Variants in SGMS2 observed in about 807,000 individuals in gnomAD.
The protein encoded by SGMS2 is sphingomyelin synthase 2.
A neutral mutation model predicts 43.8 loss-of-function variants in SGMS2; 21 were observed. The observed-to-expected ratio is 0.48, with a 90% CI of 0.34 to 0.69. The LOEUF is 0.69. SGMS2 is among the 30% of genes least tolerant of loss of function. The pLI, the probability that SGMS2 is intolerant of heterozygous loss-of-function variation, is 0.01. For missense variants in SGMS2, 384 were observed against 443.2 expected, an observed-to-expected ratio of 0.87 and a Z score of 1.20; for synonymous variants, 167 against 160.6, an observed-to-expected ratio of 1.04 and a Z score of -0.30.
intron 2 of SGMS2, among the ~76,000 whole-genome samples, chr4:107,865,243 A>G (rs541962345): frequency 3.7e-4 from 57 of 152,326 alleles, no homozygotes; most frequent in African/African-American, 1.3e-3. Context: ...GTCATGTATG[A>G]TGTTAAAACT....
chr4:107,904,881 C>G (rs1345085251), intron 5 of SGMS2, among the ~76,000 whole-genome samples: 1 of 152,028 alleles, frequency 6.6e-6, no homozygotes, highest in African/African-American at 2.4e-5. Context: ...TAAGATCAGT[C>G]ATTTTCTAGT....
At chr4:107,868,448 G>A (rs1578564986) in intron 2 of SGMS2, among the ~76,000 whole-genome samples, 2 of 152,280 alleles carry the variant, frequency 1.3e-5, no homozygotes, top group Middle Eastern at 6.8e-3. Flanking sequence ...CAGGTGTGGT[G>A]GCTCTCGCCT....
In SGMS2 at chr4:107,913,487, C is replaced by T. The variant is rs1478289784; in HGVS notation, c.*2934C>T. 1 of 152,162 alleles carries T rather than the reference C, an allele frequency of 6.6e-6. No individual in the cohort carries two copies. Among genetic ancestry groups the T allele is most frequent in the African/African-American group, 2.4e-5 (1 of 41,432 alleles). 9.4% of individuals were successfully genotyped at this position (152,162 alleles called of 1,614,324 possible). On this transcript the variant is annotated 3_prime_UTR_variant, in exon 7 of 7. Coordinates refer to ENST00000690982, the MANE Select transcript of SGMS2 (RefSeq NM_001375905.1). ...AGGGTTATTTCCTGTATTACCAGTG[C>T]CCCCTTGTGGCAATATACTTTATGA... is the stretch of plus-strand genomic sequence containing the variant.
At chr4:107,855,110 T>G (rs1361444447) in intron 1 of SGMS2, among the ~76,000 whole-genome samples, 1 of 152,222 alleles carries the variant, frequency 6.6e-6, no homozygotes, top group African/African-American at 2.4e-5. Flanking sequence ...ATTTTAATCA[T>G]TTAACAAATA....
At chr4:107,831,916 G>T (rs1725911791) in intron 1 of SGMS2, among the ~76,000 whole-genome samples, 1 of 152,174 alleles carries the variant, frequency 6.6e-6, no homozygotes, top group African/African-American at 2.4e-5. Context: ...CGGTAGTCTA[G>T]CACAACTGGT....
intron 2 of SGMS2, chr4:107,867,822 T>G (rs1207878365): frequency 6.6e-6 from 1 of 152,146 alleles, no homozygotes; most frequent in Non-Finnish European, 1.5e-5. Context: ...TATGGAACAC[T>G]TCGCGAATTT....
chr4:107,907,008 A>G (rs1731632574), intron 5 of SGMS2, among the ~76,000 whole-genome samples: 1 of 152,080 alleles, frequency 6.6e-6, no homozygotes, highest in African/African-American at 2.4e-5. Flanking sequence ...AGATTTCTCA[A>G]TGTTCATTCA....
chr4:107,827,924 T>TGCAGTGAGCTGAGATTGCGTC (rs1296977341), intron 1 of SGMS2, among the ~76,000 whole-genome samples: 15 of 152,144 alleles, frequency 9.9e-5, no homozygotes, highest in African/African-American at 3.4e-4. Context: ...AGGTGGAGGT[T>TGCAGTGAGCTGAGATTGCGTC]GCAGTGAGCT....
At chr4:107,883,644 T>G (rs1415051483) in intron 2 of SGMS2, among the ~76,000 whole-genome samples, 1 of 152,242 alleles carries the variant, frequency 6.6e-6, no homozygotes, top group African/African-American at 2.4e-5. Context: ...ACACATTATG[T>G]GTAATATTAA....
At chr4:107,838,987 C>T (rs893874480) in intron 1 of SGMS2, among the ~76,000 whole-genome samples, 2 of 152,188 alleles carry the variant, frequency 1.3e-5, no homozygotes, top group African/African-American at 4.8e-5. Flanking sequence ...TCCTCCACCA[C>T]AACCAAGCCA....
At chr4:107,830,189 G>A (rs980825664) in intron 1 of SGMS2, among the ~76,000 whole-genome samples, 5 of 152,104 alleles carry the variant, frequency 3.3e-5, no homozygotes, top group African/African-American at 9.7e-5. Flanking sequence ...CTACATCCAT[G>A]TTGCCACAAA....
rs557112464 is a variant in SGMS2, at chr4:107,886,857, A to G, written c.-244-8453A>G. The G allele has an allele frequency of 2.6e-5, 4 of 152,312 alleles. No homozygotes were observed. The East Asian group carries it at 7.7e-4, about 29-fold the overall frequency. The allele number at this position is 152,312 out of a possible 1,614,324, so 9.4% of individuals were successfully genotyped here. On this transcript the variant is annotated intron_variant, in intron 2 of 6. Transcript: ENST00000690982. ...ATAAATGAAAACAGATTCTTATTGC[A>G]CTTACGCAAATAACTGTATTGCTGT...
chr4:107,868,776 A>G (rs141376290), intron 2 of SGMS2, among the ~76,000 whole-genome samples: 22 of 152,208 alleles, frequency 1.4e-4, no homozygotes, highest in African/African-American at 4.8e-4. Flanking sequence ...TGCTCCTGTA[A>G]TCATAGGATT....
chr4:107,906,066 T>G (rs773092149), intron 5 of SGMS2, among the ~76,000 whole-genome samples: 1 of 152,238 alleles, frequency 6.6e-6, no homozygotes, highest in Non-Finnish European at 1.5e-5. Flanking sequence ...TTGTGTCTGT[T>G]TTTTTCTATG....
intron 2 of SGMS2, chr4:107,886,609 G>A (rs1048252696): frequency 3.3e-5 from 5 of 151,992 alleles, no homozygotes; most frequent in African/African-American, 1.2e-4. Flanking sequence ...TCCTCTTGAG[G>A]TTCTAAGATA....
chr4:107,831,823 A>G (rs1010961433), intron 1 of SGMS2, among the ~76,000 whole-genome samples: 2 of 152,216 alleles, frequency 1.3e-5, no homozygotes, highest in Admixed American at 6.5e-5. Context: ...TTTCATAAGA[A>G]GTGTATAACA....
chr4:107,852,856 C>A (rs530580571), intron 1 of SGMS2, among the ~76,000 whole-genome samples: 1 of 151,904 alleles, frequency 6.6e-6, no homozygotes, highest in East Asian at 1.9e-4. Flanking sequence ...TTTACAATAG[C>A]CCTGGAAAGC....
At position 107,895,373 on chromosome 4, in the gene SGMS2, AGCATATAGCT is replaced by A. The variant is rs1410394811; in HGVS notation, c.-176_-167del. ...CCTTTCTTGAAAGTGGTGAAGGTACAGCATATAGCTGCATGGAAGAAACAGTAATCGGATG... is the reference window on the plus strand; with the variant it reads ...CCTTTCTTGAAAGTGGTGAAGGTACAGCATGGAAGAAACAGTAATCGGATG... On this transcript the variant is annotated 5_prime_UTR_variant, in exon 3 of 7. It adds an upstream start codon to the 5' untranslated region. Coordinates refer to ENST00000690982, the MANE Select transcript of SGMS2 (RefSeq NM_001375905.1). The A allele has an allele frequency of 3.2e-6, 2 of 617,554 alleles. No homozygotes were observed. Among genetic ancestry groups the A allele is most frequent in the African/African-American group, 3.7e-5 (2 of 54,096 alleles). 38.3% of individuals were successfully genotyped at this position (617,554 alleles called of 1,614,324 possible). A position where few individuals can be genotyped will look rare whatever the true frequency, so the allele number is the denominator to read the frequency against.
rs34388036 is a variant in SGMS2 at position 107,902,289 on chromosome 4, C to CAAAAAAAAAAAAAAAAAAAAAAAA, written c.574-932_574-931insAAAAAAAAAAAAAAAAAAAAAAAA. Among the ~76,000 whole-genome samples the CAAAAAAAAAAAAAAAAAAAAAAAA allele has an allele frequency of 1.5e-4, 19 of 124,542 alleles. 2 individuals are homozygous for CAAAAAAAAAAAAAAAAAAAAAAAA. The highest frequency in any genetic ancestry group is 6.3e-4 in the African/African-American group (18 of 28,602). The allele number at this position is 124,542 out of a possible 152,430, so 81.7% of individuals were successfully genotyped here. On this transcript the variant is annotated intron_variant, in intron 4 of 6. Coordinates refer to ENST00000690982, the MANE Select transcript of SGMS2 (RefSeq NM_001375905.1). ...TGGGTGAAAGAGCAAGACCCTGTCTCAAAAAAAAAAAAGGTCTTTCTGTAT... is the reference window on the plus strand; with the variant it reads ...TGGGTGAAAGAGCAAGACCCTGTCTCAAAAAAAAAAAAAAAAAAAAAAAAAAAAAAAAAAAAGGTCTTTCTGTAT...
Sources: gnomAD v4.1 joint callset for allele counts (sites outside exome capture counted in the v4.1 genomes callset) on GRCh38, gnomAD v4.1.1 for gene constraint, MANE v1.5 for transcripts, NCBI Gene and HGNC (gene_info 2026-07-23, HGNC 2026-07-21) for gene names.